Variants in RBFOX2 observed in about 807,000 individuals in gnomAD.
RBFOX2 encodes RNA binding fox-1 homolog 2.
RBFOX2 carries 10 observed loss-of-function variants against 49.1 expected under a neutral mutation model. The ratio of observed to expected loss-of-function variants is 0.20; its 90% confidence interval spans 0.13 to 0.35. RBFOX2 has a LOEUF of 0.35. Ranked by LOEUF, RBFOX2 falls within the 10% of genes least tolerant of loss-of-function variation. RBFOX2 has a pLI of 1.00. For missense variants in RBFOX2, 323 were observed against 486.9 expected (o/e 0.66, Z 3.17); for synonymous variants, 183 against 187.4 (o/e 0.98, Z 0.19).
At chr22:35,771,756 G>A (rs1203677286) in intron 4 of RBFOX2, among the ~76,000 whole-genome samples, 1 of 152,072 alleles carries the variant, frequency 6.6e-6, no homozygotes, top group Non-Finnish European at 1.5e-5. Context: ...CATGAACTCA[G>A]ATCTTAAAAT....
chr22:35,936,237 C>CAAAA (rs58153258), intron 1 of RBFOX2, among the ~76,000 whole-genome samples: 18 of 64,444 alleles, frequency 2.8e-4, no homozygotes, highest in South Asian at 5.2e-4. Flanking sequence ...CCAACAACAA[C>CAAAA]AAAAAAAAAA....
Position 35,792,172 on chromosome 22 carries a change from G to C in RBFOX2, c.253-10426C>G, listed in dbSNP as rs566665648. On this transcript the variant is annotated intron_variant, in intron 2 of 11. Coordinates refer to ENST00000405409, the Ensembl canonical transcript of RBFOX2. ...TCTCTACTAAAAATACAAAAATTAGGTAGGCGTGGCAGTGGGCACCTGTAA... is the reference window on the plus strand; with the variant it reads ...TCTCTACTAAAAATACAAAAATTAGCTAGGCGTGGCAGTGGGCACCTGTAA... 1.2e-4 allele frequency among the ~76,000 whole-genome samples: 18 copies of C among 151,648 alleles called. No homozygotes were observed. The South Asian group carries it at 2.5e-3, about 21-fold the overall frequency.
At chr22:35,903,571 A>G (rs1222137222) in intron 1 of RBFOX2, among the ~76,000 whole-genome samples, 1 of 152,158 alleles carries the variant, frequency 6.6e-6, no homozygotes, top group South Asian at 2.1e-4. Context: ...CCATGCTCCA[A>G]TATGACTACT....
At chr22:35,785,260 A>G (rs542398357) in intron 2 of RBFOX2, among the ~76,000 whole-genome samples, 4 of 152,352 alleles carry the variant, frequency 2.6e-5, no homozygotes, top group African/African-American at 9.6e-5. Context: ...TTATGTTGAG[A>G]AAATTTTTGA....
chr22:35,887,797 C>T (rs953627872), intron 1 of RBFOX2, among the ~76,000 whole-genome samples: 4 of 152,084 alleles, frequency 2.6e-5, no homozygotes. Flanking sequence ...ATTTTTCCAC[C>T]ACCTCACCTA....
chr22:35,939,185 T>TG, upstream of RBFOX2: 1 of 584,104 alleles, frequency 1.7e-6, no homozygotes, highest in Admixed American at 2.2e-5. Context: ...CTACTGCGAC[T>TG]GGGGTCAGAG....
intron 1 of RBFOX2, among the ~76,000 whole-genome samples, chr22:35,927,342 C>T (rs948036963): frequency 1.3e-5 from 2 of 152,140 alleles, no homozygotes; most frequent in African/African-American, 4.8e-5. Flanking sequence ...CAGTGGCTCA[C>T]GCCTATAATC....
chr22:35,961,370 A>C (rs1044586797), intron 1 of RBFOX2, among the ~76,000 whole-genome samples: 1 of 152,230 alleles, frequency 6.6e-6, no homozygotes, highest in African/African-American at 2.4e-5. Context: ...GTCTTCTTTC[A>C]ACAAAGAAAA....
intron 1 of RBFOX2, among the ~76,000 whole-genome samples, chr22:36,009,076 C>T (rs1414094342): frequency 6.6e-6 from 1 of 152,166 alleles, no homozygotes; most frequent in Non-Finnish European, 1.5e-5. Flanking sequence ...CATGCATTTG[C>T]TTCTGTATGG....
At position 35,776,252 on chromosome 22, in the gene RBFOX2, G is replaced by A. The variant is rs550697859; in HGVS notation, c.453+1773C>T. Among the ~76,000 whole-genome samples, 192 of 152,246 alleles carry A rather than the reference G, an allele frequency of 1.3e-3. 1 individual carries two copies. The highest frequency in any genetic ancestry group is 4.3e-3 in the African/African-American group (180 of 41,568). On this transcript the variant is annotated intron_variant, in intron 4 of 11. Transcript: ENST00000405409. ...TGCAACAAAGGAACAGAAATCCATCGTGAGAAAAATTATAAGCATAAATAG... is the reference window on the plus strand; with the variant it reads ...TGCAACAAAGGAACAGAAATCCATCATGAGAAAAATTATAAGCATAAATAG...
At chr22:35,868,891 T>A (rs898310495) in intron 1 of RBFOX2, among the ~76,000 whole-genome samples, 4 of 152,218 alleles carry the variant, frequency 2.6e-5, no homozygotes, top group African/African-American at 9.6e-5. Flanking sequence ...AACACACCTA[T>A]CTTTCCTTGG....
At chr22:35,871,658 T>C (rs984136869) in intron 1 of RBFOX2, among the ~76,000 whole-genome samples, 1 of 152,010 alleles carries the variant, frequency 6.6e-6, no homozygotes, top group African/African-American at 2.4e-5. Context: ...AGGAATACCA[T>C]CAAACTCAAA....
intron 2 of RBFOX2, among the ~76,000 whole-genome samples, chr22:35,808,475 T>C (rs73159792): frequency 0.013 from 1,948 of 152,266 alleles, 16 homozygotes; most frequent in Non-Finnish European, 0.02. Flanking sequence ...CATAACCAGA[T>C]ATAGGAAAGA....
rs2056728707 is a variant in RBFOX2, at chr22:35,969,095, G to A, written c.187-30198C>T. On this transcript the variant is annotated intron_variant, in intron 1 of 13. Coordinates refer to the RBFOX2 transcript ENST00000438146. ...CAAAGACAGCAGAGAGCAGTAAAGTGAAGTGGGGTCTCAAGAGCCCCTCAT... is the reference window on the plus strand; with the variant it reads ...CAAAGACAGCAGAGAGCAGTAAAGTAAAGTGGGGTCTCAAGAGCCCCTCAT... 2.0e-5 allele frequency among the ~76,000 whole-genome samples: 3 copies of A among 152,160 alleles called. No individual in the cohort carries two copies. The South Asian group carries it at 6.2e-4, about 32-fold the overall frequency.
chr22:35,900,720 C>A (rs2048466971), intron 1 of RBFOX2, among the ~76,000 whole-genome samples: 1 of 152,000 alleles, frequency 6.6e-6, no homozygotes, highest in Admixed American at 6.6e-5. Context: ...ACACATGGAC[C>A]AGCAACAGCA....
chr22:35,882,756 G>C lies in RBFOX2; in HGVS notation c.-34+56091C>G, dbSNP rs142154544. 5.3e-4 allele frequency among the ~76,000 whole-genome samples: 80 copies of C among 152,248 alleles called. 1 individual carries two copies. The East Asian group carries it at 0.014, about 26-fold the overall frequency. ...CTGATGAGAGAAAGTGGGTAAATAC[G>C]GGGGTGGGAAATCCTCTCCTGATTG... is the stretch of plus-strand genomic sequence containing the variant. On this transcript the variant is annotated intron_variant, in intron 1 of 13. Transcript: ENST00000359369.
upstream of RBFOX2, among the ~76,000 whole-genome samples, chr22:35,843,229 G>A (rs1201371596): frequency 1.3e-5 from 2 of 152,160 alleles, no homozygotes; most frequent in Non-Finnish European, 2.9e-5. Context: ...GACATTTCCT[G>A]TATGTGTGTT....
At chr22:35,846,982 C>T (rs1434074503) in intron 1 of RBFOX2, among the ~76,000 whole-genome samples, 1 of 152,098 alleles carries the variant, frequency 6.6e-6, no homozygotes, top group African/African-American at 2.4e-5. Context: ...AAGACAATAC[C>T]CTTAACTTGC....
intron 9 of RBFOX2, among the ~76,000 whole-genome samples, chr22:35,756,593 A>G (rs1937017651): frequency 6.6e-6 from 1 of 152,198 alleles, no homozygotes; most frequent in Non-Finnish European, 1.5e-5. Flanking sequence ...ACTGAACCCA[A>G]AGAATTCCAC....
Sources: allele counts gnomAD v4.1 joint callset (sites outside exome capture counted in the v4.1 genomes callset), GRCh38; gene constraint gnomAD v4.1.1; transcripts MANE v1.5; gene names NCBI Gene and HGNC (gene_info 2026-07-23, HGNC 2026-07-21).